The following DTNB variants were observed in gnomAD, a reference collection of about 807,000 sequenced individuals.
DTNB encodes the protein dystrobrevin beta.
DTNB carries 63 observed loss-of-function variants against 90.7 expected under a neutral mutation model. The observed-to-expected ratio is 0.69, with a 90% CI of 0.57 to 0.86. The LOEUF is 0.86. DTNB is among the 40% of genes least tolerant of loss of function. The pLI, the probability that DTNB is intolerant of heterozygous loss-of-function variation, is 0.00. For missense variants in DTNB, 744 were observed against 807.1 expected (o/e 0.92, Z 0.95); for synonymous variants, 277 against 286.7 (o/e 0.97, Z 0.34).
intron 12 of DTNB, among the ~76,000 whole-genome samples, chr2:25,445,566 GGTTT>G (rs1340645148): frequency 1.4e-4 from 22 of 152,280 alleles, no homozygotes; most frequent in African/African-American, 5.1e-4. Context: ...TGGACGTACT[GGTTT>G]GTTTAATATG....
chr2:25,673,088 CCCCCGCTCGCGCCCGTG>C (rs1420742754), intron 1 of DTNB: 1 of 152,110 alleles, frequency 6.6e-6, no homozygotes, highest in East Asian at 1.9e-4. Flanking sequence ...CGGCGCCGGG[CCCCCGCTCGCGCCCGTG>C]CCCCGGCGCG....
At chr2:25,382,389 AT>A (rs2038059789) in intron 19 of DTNB, among the ~76,000 whole-genome samples, 1 of 152,186 alleles carries the variant, frequency 6.6e-6, no homozygotes. Flanking sequence ...CAACTAACAC[AT>A]TAATGCACAA....
intron 15 of DTNB, among the ~76,000 whole-genome samples, chr2:25,420,469 T>TCTATCTATCTATCTAC (rs2049204701): frequency 2.6e-5 from 1 of 38,954 alleles, no homozygotes; most frequent in African/African-American, 7.9e-5. Context: ...TCTAAATCAA[T>TCTATCTATCTATCTAC]CTATCTATCT....
At chr2:25,594,989 C>T (rs1328650572) in intron 6 of DTNB, 1 of 152,180 alleles carries the variant, frequency 6.6e-6, no homozygotes, top group Admixed American at 6.5e-5. Context: ...CTTTTCATGT[C>T]TCTTTAAACT....
intron 12 of DTNB, among the ~76,000 whole-genome samples, chr2:25,446,802 A>G (rs146034042): frequency 6.6e-6 from 1 of 152,310 alleles, no homozygotes; most frequent in African/African-American, 2.4e-5. Context: ...TTGGAAACTT[A>G]GCCATTAATT....
At chr2:25,396,596 CAT>C (rs751877665) in intron 16 of DTNB, among the ~76,000 whole-genome samples, 4 of 151,686 alleles carry the variant, frequency 2.6e-5, no homozygotes, top group Non-Finnish European at 5.9e-5. Flanking sequence ...AAAGACTACA[CAT>C]TGGGTACAGT....
chr2:25,499,841 T>TC (rs1353084494), intron 9 of DTNB, among the ~76,000 whole-genome samples: 1 of 152,190 alleles, frequency 6.6e-6, no homozygotes, highest in Non-Finnish European at 1.5e-5. Flanking sequence ...AAATATTAGT[T>TC]CAATTATGAA....
chr2:25,444,869 G>A (rs1478678463), intron 12 of DTNB, among the ~76,000 whole-genome samples: 2 of 152,298 alleles, frequency 1.3e-5, no homozygotes, highest in East Asian at 3.9e-4. Flanking sequence ...AGGAGTTTCT[G>A]TATAACAGAA....
intron 8 of DTNB, among the ~76,000 whole-genome samples, chr2:25,549,267 T>G (rs941244791): frequency 2.6e-5 from 4 of 151,882 alleles, no homozygotes; most frequent in African/African-American, 4.8e-5. Context: ...ACATTTAAAT[T>G]TAATCATAGG....
At chr2:25,453,342 A>G (rs1475964219) in intron 11 of DTNB, among the ~76,000 whole-genome samples, 1 of 152,216 alleles carries the variant, frequency 6.6e-6, no homozygotes, top group East Asian at 1.9e-4. Context: ...AATGATTAGA[A>G]AGGATCCTTA....
At chr2:25,585,257 G>GT (rs2062174507) in intron 6 of DTNB, among the ~76,000 whole-genome samples, 1 of 152,052 alleles carries the variant, frequency 6.6e-6, no homozygotes, top group Non-Finnish European at 1.5e-5. Context: ...TACATCATCT[G>GT]TTTTTTCACT....
At chr2:25,500,266 C>T (rs2070224723) in intron 9 of DTNB, among the ~76,000 whole-genome samples, 1 of 152,002 alleles carries the variant, frequency 6.6e-6, no homozygotes, top group Non-Finnish European at 1.5e-5. Context: ...GTCAATTGGT[C>T]GGGTGCTCAA....
chr2:25,488,738 C>T (rs925725431), intron 9 of DTNB, among the ~76,000 whole-genome samples: 1 of 152,300 alleles, frequency 6.6e-6, no homozygotes, highest in South Asian at 2.1e-4. Context: ...CTGTAACCTC[C>T]ACCTCCCAGG....
chr2:25,457,730 C>T (rs1310922229), intron 10 of DTNB, among the ~76,000 whole-genome samples: 1 of 152,168 alleles, frequency 6.6e-6, no homozygotes, highest in Non-Finnish European at 1.5e-5. Flanking sequence ...CTATTTATAG[C>T]ATTCTATTCT....
At chr2:25,441,216 G>A (rs934815050) in intron 12 of DTNB, among the ~76,000 whole-genome samples, 1 of 152,166 alleles carries the variant, frequency 6.6e-6, no homozygotes, top group Non-Finnish European at 1.5e-5. Context: ...TATTGAACCA[G>A]GTTCACTCCA....
At chr2:25,622,152 G>A (rs570253435) in intron 4 of DTNB, among the ~76,000 whole-genome samples, 34 of 152,076 alleles carry the variant, frequency 2.2e-4, no homozygotes, top group South Asian at 4.2e-4. Flanking sequence ...TATATCAGAG[G>A]AAAAAATAAG....
intron 8 of DTNB, among the ~76,000 whole-genome samples, chr2:25,564,571 A>G (rs190265798): frequency 7.4e-4 from 113 of 151,712 alleles, no homozygotes; most frequent in Admixed American, 1.6e-3. Context: ...TATTTTTAAT[A>G]GAGATGGGGT....
chr2:25,619,944 G>A (rs575983458), intron 4 of DTNB, among the ~76,000 whole-genome samples: 1 of 152,228 alleles, frequency 6.6e-6, no homozygotes, highest in African/African-American at 2.4e-5. Flanking sequence ...GGAGGCTGAG[G>A]CAGAAGAATC....
At chr2:25,458,870 C>T (rs981446542) in intron 10 of DTNB, among the ~76,000 whole-genome samples, 2 of 152,156 alleles carry the variant, frequency 1.3e-5, no homozygotes, top group Non-Finnish European at 2.9e-5. Flanking sequence ...TGGTCTCGAT[C>T]TCCCGACCTC....
Sources: allele counts gnomAD v4.1 joint callset (sites outside exome capture counted in the v4.1 genomes callset), GRCh38; gene constraint gnomAD v4.1.1; transcripts MANE v1.5; gene names NCBI Gene and HGNC (gene_info 2026-07-23, HGNC 2026-07-21).